CDKAL1: variants seen among roughly 807,000 people sequenced by gnomAD.
CDKAL1 encodes CDKAL1 threonylcarbamoyladenosine tRNA methylthiotransferase.
In CDKAL1, 32 loss-of-function variants were observed where a neutral mutation model predicts 68.2. That is an observed-to-expected ratio of 0.47 (90% CI 0.35 to 0.63). CDKAL1 has a LOEUF of 0.63. Ranked by LOEUF, CDKAL1 falls within the 30% of genes least tolerant of loss-of-function variation. The probability of loss-of-function intolerance (pLI) is 0.00; values close to 1 mark genes in which losing one functional copy is unlikely to be tolerated. For synonymous variants in CDKAL1, 234 were observed against 244.3 expected (o/e 0.96, Z 0.39); for missense variants, 606 against 696.7 (o/e 0.87, Z 1.47).
Position 20,867,016 on chromosome 6 carries a change from C to T in CDKAL1, c.742+20838C>T, listed in dbSNP as rs115264123. Among the ~76,000 whole-genome samples the T allele has an allele frequency of 4.1e-3, 630 of 152,238 alleles. 6 individuals carry two copies. Among genetic ancestry groups the T allele is most frequent in the African/African-American group, 0.015 (603 of 41,548 alleles). On this transcript the variant is annotated intron_variant, in intron 9 of 15. Transcript: ENST00000274695. Reference sequence around the variant, plus strand: ...TACAGTAGACCCTTAACATTCAGGACCAAGCATTCTGTTTTTAACTATTTC... The same window carrying T: ...TACAGTAGACCCTTAACATTCAGGATCAAGCATTCTGTTTTTAACTATTTC...
intron 6 of CDKAL1, among the ~76,000 whole-genome samples, chr6:20,747,189 G>C (rs62399306): frequency 1.3e-5 from 2 of 151,932 alleles, no homozygotes; most frequent in Admixed American, 6.6e-5. Context: ...TAAAAATGTT[G>C]AATAATATTC....
intron 4 of CDKAL1, among the ~76,000 whole-genome samples, chr6:20,637,610 A>G (rs556713318): frequency 8.5e-5 from 13 of 152,304 alleles, no homozygotes; most frequent in Non-Finnish European, 1.9e-4. Context: ...ATGTATTAAG[A>G]AAAGCTACAG....
intron 9 of CDKAL1, among the ~76,000 whole-genome samples, chr6:20,886,168 A>C (rs1379615090): frequency 6.6e-6 from 1 of 152,234 alleles, no homozygotes; most frequent in Non-Finnish European, 1.5e-5. Flanking sequence ...CTTAGTCTTT[A>C]GTGTGATGCA....
chr6:20,964,933 A>G (rs936164928), intron 10 of CDKAL1, among the ~76,000 whole-genome samples: 7 of 152,188 alleles, frequency 4.6e-5, no homozygotes, highest in Non-Finnish European at 8.8e-5. Flanking sequence ...AGAGACGGTT[A>G]ATTTTCGTGA....
chr6:20,968,966 G>A (rs1265209367), intron 10 of CDKAL1, among the ~76,000 whole-genome samples: 1 of 151,924 alleles, frequency 6.6e-6, no homozygotes, highest in African/African-American at 2.4e-5. Flanking sequence ...ATATTTTCTT[G>A]TTTGTTTGGA....
At position 20,734,182 on chromosome 6, in the gene CDKAL1, T is replaced by C. The variant is rs1474208845; in HGVS notation, c.372-5337T>C. ...AAAAAAAAAGAAAGAAAGAAAAAGA[T>C]TTTGTACAAATTGTTTCTTCCATTT... On this transcript the variant is annotated intron_variant, in intron 5 of 15. Coordinates refer to ENST00000274695, the MANE Select transcript of CDKAL1 (RefSeq NM_017774.3). 2.0e-5 allele frequency among the ~76,000 whole-genome samples: 3 copies of C among 150,968 alleles called. No homozygotes were observed. In the East Asian group the frequency reaches 5.8e-4, roughly 29 times the overall value.
chr6:20,937,097 C>G (rs183442701), intron 9 of CDKAL1, among the ~76,000 whole-genome samples: 11 of 151,896 alleles, frequency 7.2e-5, no homozygotes, highest in Admixed American at 7.2e-4. Flanking sequence ...TCTTTCTTTT[C>G]TTTTTTTTAA....
intron 10 of CDKAL1, among the ~76,000 whole-genome samples, chr6:20,970,434 T>C (rs918522481): frequency 2.6e-5 from 4 of 152,222 alleles, no homozygotes; most frequent in Non-Finnish European, 5.9e-5. Flanking sequence ...TTTGTCAGTG[T>C]TCTCATTGTT....
chr6:21,181,724 T>C (rs963504363), intron 13 of CDKAL1, among the ~76,000 whole-genome samples: 1 of 152,244 alleles, frequency 6.6e-6, no homozygotes, highest in African/African-American at 2.4e-5. Flanking sequence ...GTCTGTATTT[T>C]ATATGTTGTA....
chr6:21,206,949 C>A (rs1047269507), intron 15 of CDKAL1, among the ~76,000 whole-genome samples: 10 of 149,440 alleles, frequency 6.7e-5, no homozygotes, highest in Non-Finnish European at 1.3e-4. Context: ...TCTTTTTAGA[C>A]AGAGTCTCAC....
intron 5 of CDKAL1, among the ~76,000 whole-genome samples, chr6:20,729,047 T>G (rs1772784842): frequency 6.6e-6 from 1 of 152,130 alleles, no homozygotes; most frequent in South Asian, 2.1e-4. Context: ...TCTGATGAAA[T>G]GAAGCAGAAG....
At chr6:20,931,437 G>A (rs1044897520) in intron 9 of CDKAL1, among the ~76,000 whole-genome samples, 1 of 152,176 alleles carries the variant, frequency 6.6e-6, no homozygotes, top group Non-Finnish European at 1.5e-5. Context: ...CCTGGTAAGA[G>A]GCAGAGTCAG....
intron 4 of CDKAL1, among the ~76,000 whole-genome samples, chr6:20,645,073 A>G (rs973505266): frequency 2.0e-5 from 3 of 152,178 alleles, no homozygotes; most frequent in African/African-American, 7.2e-5. Flanking sequence ...CAGTAAAAAT[A>G]TGGTATGAAA....
intron 5 of CDKAL1, among the ~76,000 whole-genome samples, chr6:20,720,508 G>C (rs1461185492): frequency 6.6e-6 from 1 of 152,064 alleles, no homozygotes; most frequent in African/African-American, 2.4e-5. Context: ...CCCAGCCTCT[G>C]TTATCTGTCT....
chr6:20,748,555 GAAAAAAAA>G (rs760404728), intron 6 of CDKAL1, among the ~76,000 whole-genome samples: 6 of 28,766 alleles, frequency 2.1e-4, no homozygotes, highest in East Asian at 2.0e-3. Context: ...TCTGTTTCTG[GAAAAAAAA>G]AAAAAAAAAA....
intron 11 of CDKAL1, among the ~76,000 whole-genome samples, chr6:21,026,483 C>T (rs1054184710): frequency 6.6e-6 from 1 of 152,128 alleles, no homozygotes; most frequent in Non-Finnish European, 1.5e-5. Flanking sequence ...CTCTGAGGTT[C>T]ACCTTTGCTC....
At chr6:21,108,961 C>T (rs1773987142) in intron 13 of CDKAL1, among the ~76,000 whole-genome samples, 1 of 152,146 alleles carries the variant, frequency 6.6e-6, no homozygotes, top group Admixed American at 6.5e-5. Context: ...AATAACGTGA[C>T]GACCCACATG....
At chr6:20,835,051 T>C (rs1267183055) in intron 8 of CDKAL1, among the ~76,000 whole-genome samples, 1 of 152,174 alleles carries the variant, frequency 6.6e-6, no homozygotes, top group African/African-American at 2.4e-5. Flanking sequence ...TATATAAAAT[T>C]ATTGAAAACC....
chr6:20,945,851 T>C (rs1428635766), intron 9 of CDKAL1, among the ~76,000 whole-genome samples: 1 of 152,244 alleles, frequency 6.6e-6, no homozygotes, highest in Non-Finnish European at 1.5e-5. Context: ...TTGTATATTT[T>C]GGTCAATTAT....
Sources: allele counts gnomAD v4.1 joint callset (sites outside exome capture counted in the v4.1 genomes callset), GRCh38; gene constraint gnomAD v4.1.1; transcripts MANE v1.5; gene names NCBI Gene and HGNC (gene_info 2026-07-23, HGNC 2026-07-21).